The following CNBD1 variants were observed in gnomAD, a reference collection of about 807,000 sequenced individuals.
CNBD1 encodes cyclic nucleotide-binding domain-containing protein 1.
A neutral mutation model predicts 54.4 loss-of-function variants in CNBD1; 71 were observed. The ratio of observed to expected loss-of-function variants is 1.30; its 90% CI spans 1.08 to 1.59. The LOEUF (loss-of-function observed/expected upper bound fraction) is 1.59, where lower values mean the gene tolerates loss of function less well. Ranked by LOEUF, CNBD1 falls within the 40% of genes most tolerant of loss-of-function variation. The pLI is 0.00. For missense variants in CNBD1, 659 were observed against 518.0 expected, an observed-to-expected ratio of 1.27 and a Z score of -2.64; for synonymous variants, 182 against 170.7, an observed-to-expected ratio of 1.07 and a Z score of -0.51.
chr8:87,387,941 A>G (rs1170521012), intron 2 of CNBD1, among the ~76,000 whole-genome samples: 1 of 152,220 alleles, frequency 6.6e-6, no homozygotes, highest in Non-Finnish European at 1.5e-5. Flanking sequence ...AGAACTCAGG[A>G]TTAAGAAACT....
chr8:87,299,362 C>T (rs1483231587), intron 8 of CNBD1, among the ~76,000 whole-genome samples: 1 of 152,138 alleles, frequency 6.6e-6, no homozygotes, highest in Admixed American at 6.6e-5. Flanking sequence ...TTCCTTCACT[C>T]TCTCTTTCAG....
intron 10 of CNBD1, among the ~76,000 whole-genome samples, chr8:87,372,792 C>T (rs1436679731): frequency 6.6e-6 from 1 of 151,728 alleles, no homozygotes; most frequent in Non-Finnish European, 1.5e-5. Flanking sequence ...CACTAGATGT[C>T]TAGAACAAAT....
intron 6 of CNBD1, among the ~76,000 whole-genome samples, chr8:87,238,214 G>A (rs1221019593): frequency 6.6e-6 from 1 of 152,062 alleles, no homozygotes; most frequent in East Asian, 1.9e-4. Context: ...TCCTATCTTG[G>A]CCAGAGTGGG....
At chr8:87,401,023 G>T (rs1297053392) in intron 2 of CNBD1, among the ~76,000 whole-genome samples, 1 of 151,978 alleles carries the variant, frequency 6.6e-6, no homozygotes, top group Non-Finnish European at 1.5e-5. Flanking sequence ...CATATTCCAA[G>T]TTTTAATTTA....
chr8:87,154,466 C>G (rs914198414), intron 4 of CNBD1, among the ~76,000 whole-genome samples: 2 of 152,152 alleles, frequency 1.3e-5, no homozygotes, highest in Admixed American at 6.5e-5. Context: ...TTGTTCAGAA[C>G]TGCAAGGGGA....
chr8:86,988,161 T>A lies in CNBD1; in HGVS notation c.431+48407T>A, dbSNP rs867564961. Reference sequence around the variant, plus strand: ...TTGATAGGTTTTTTTTTTTTTTTTTTATTACTGATTCAATTTTGAAATTCA... The same window carrying A: ...TTGATAGGTTTTTTTTTTTTTTTTTAATTACTGATTCAATTTTGAAATTCA... On this transcript the variant is annotated intron_variant, in intron 4 of 10. Coordinates refer to ENST00000518476, the MANE Select transcript of CNBD1 (RefSeq NM_173538.3). 2.7e-3 allele frequency among the ~76,000 whole-genome samples: 304 copies of A among 114,060 alleles called. 1 individual carries two copies. Among genetic ancestry groups the A allele is most frequent in the African/African-American group, 9.1e-3 (277 of 30,456 alleles). 74.8% of individuals were successfully genotyped at this position (114,060 alleles called of 152,430 possible). A position where few individuals can be genotyped will look rare whatever the true frequency, so the allele number is the denominator to read the frequency against.
At chr8:87,336,821 C>G (rs1809953234) in intron 8 of CNBD1, among the ~76,000 whole-genome samples, 1 of 152,122 alleles carries the variant, frequency 6.6e-6, no homozygotes, top group African/African-American at 2.4e-5. Context: ...TCTTTCTCAT[C>G]TTTTTGAGTT....
At chr8:87,034,327 C>G (rs1228302454) in intron 4 of CNBD1, among the ~76,000 whole-genome samples, 1 of 152,126 alleles carries the variant, frequency 6.6e-6, no homozygotes, top group Non-Finnish European at 1.5e-5. Flanking sequence ...TATGACAGAC[C>G]ACTTTTTACT....
At chr8:87,096,719 C>T (rs1381868935) in intron 4 of CNBD1, among the ~76,000 whole-genome samples, 3 of 151,918 alleles carry the variant, frequency 2.0e-5, no homozygotes, top group African/African-American at 4.8e-5. Flanking sequence ...GAATACAAAC[C>T]AGAAAACAGG....
At chr8:87,098,055 A>G (rs1811354165) in intron 4 of CNBD1, among the ~76,000 whole-genome samples, 1 of 152,234 alleles carries the variant, frequency 6.6e-6, no homozygotes, top group Non-Finnish European at 1.5e-5. Flanking sequence ...ATGATCAACA[A>G]CTTTTACTGC....
chr8:87,124,321 G>T (rs1368719131), intron 4 of CNBD1, among the ~76,000 whole-genome samples: 1 of 151,588 alleles, frequency 6.6e-6, no homozygotes, highest in East Asian at 1.9e-4. Flanking sequence ...TAGGTTGCAA[G>T]ACAAATCTTA....
At chr8:87,253,124 A>G (rs1475515937) in intron 6 of CNBD1, among the ~76,000 whole-genome samples, 2 of 152,120 alleles carry the variant, frequency 1.3e-5, no homozygotes, top group Non-Finnish European at 2.9e-5. Flanking sequence ...AAAATAAGCT[A>G]AAACAGCCAA....
At chr8:87,206,755 A>G (rs1041800155) in intron 5 of CNBD1, among the ~76,000 whole-genome samples, 2 of 152,202 alleles carry the variant, frequency 1.3e-5, no homozygotes, top group African/African-American at 2.4e-5. Context: ...ATAATTTAAT[A>G]CATTCTTTAT....
intron 4 of CNBD1, among the ~76,000 whole-genome samples, chr8:87,165,916 T>C (rs1812952688): frequency 6.6e-6 from 1 of 151,922 alleles, no homozygotes; most frequent in Non-Finnish European, 1.5e-5. Context: ...TATATCTCTC[T>C]AGAAGTAAAA....
rs188943765 is a variant in CNBD1, at chr8:87,020,844, G to T, written c.431+81090G>T. Among the ~76,000 whole-genome samples the T allele has an allele frequency of 3.0e-4, 46 of 152,202 alleles. 1 individual carries two copies. In the South Asian group the frequency reaches 8.9e-3, roughly 30 times the overall value. ...CAACTAAGAGCTAGACATGATTTAA[G>T]TCCAATGAAAAACCATTTACAACCT... On this transcript the variant is annotated intron_variant, in intron 4 of 10. Transcript: ENST00000518476.
At chr8:87,321,376 A>G (rs189295129) in intron 8 of CNBD1, among the ~76,000 whole-genome samples, 2 of 152,178 alleles carry the variant, frequency 1.3e-5, no homozygotes, top group African/African-American at 4.8e-5. Context: ...TGTTTGTTTG[A>G]TTGTGGCCAT....
intron 6 of CNBD1, among the ~76,000 whole-genome samples, chr8:87,279,736 A>G (rs1379370505): frequency 1.3e-5 from 2 of 151,066 alleles, no homozygotes; most frequent in African/African-American, 4.8e-5. Flanking sequence ...ATATATGTAT[A>G]AATATAACTA....
chr8:86,965,826 A>G (rs776206854), intron 4 of CNBD1, among the ~76,000 whole-genome samples: 4 of 152,138 alleles, frequency 2.6e-5, no homozygotes, highest in Admixed American at 2.6e-4. Flanking sequence ...TGCAGCAGGT[A>G]GCTCCTCTCA....
intron 2 of CNBD1, among the ~76,000 whole-genome samples, chr8:87,412,578 T>C (rs946515441): frequency 6.6e-6 from 1 of 151,978 alleles, no homozygotes; most frequent in African/African-American, 2.4e-5. Flanking sequence ...CCAAGAGAAA[T>C]AGGAACTTCA....
Sources: gnomAD v4.1 joint callset for allele counts (sites outside exome capture counted in the v4.1 genomes callset) on GRCh38, gnomAD v4.1.1 for gene constraint, MANE v1.5 for transcripts, NCBI Gene and HGNC (gene_info 2026-07-23, HGNC 2026-07-21) for gene names.